The following EPB41 variants were observed in gnomAD, a reference collection of about 807,000 sequenced individuals.
EPB41 encodes erythrocyte membrane protein band 4.1, also known as protein 4.1.
In EPB41, 65 loss-of-function variants were observed where a neutral mutation model predicts 108.0. That is an observed-to-expected ratio of 0.60 (90% CI 0.49 to 0.74). The LOEUF (loss-of-function observed/expected upper bound fraction) is 0.74. Ranked by LOEUF, EPB41 falls within the 30% of genes least tolerant of loss-of-function variation. The probability of loss-of-function intolerance (pLI) is 0.00; values close to 1 mark genes in which losing one functional copy is unlikely to be tolerated. For missense variants in EPB41, 875 were observed against 1,037.0 expected, an observed-to-expected ratio of 0.84 and a Z score of 2.15; for synonymous variants, 336 against 358.9, an observed-to-expected ratio of 0.94 and a Z score of 0.72.
At chr1:28,936,306 G>C (rs2094022423) in intron 1 of EPB41, among the ~76,000 whole-genome samples, 1 of 152,156 alleles carries the variant, frequency 6.6e-6, no homozygotes, top group African/African-American at 2.4e-5. Flanking sequence ...ACTTGACTAA[G>C]TGATGGCAAA....
intron 2 of EPB41, among the ~76,000 whole-genome samples, chr1:28,988,628 G>A (rs914990375): frequency 6.6e-6 from 1 of 152,130 alleles, no homozygotes; most frequent in African/African-American, 2.4e-5. Context: ...CCAAAGTGCT[G>A]GGACTACAGA....
Position 29,115,938 on chromosome 1 carries a change from A to G in EPB41, c.*6+135A>G. The G allele has an allele frequency of 1.4e-6, 1 of 698,404 alleles. No homozygotes were observed. Among genetic ancestry groups the G allele is most frequent in the Non-Finnish European group, 2.6e-6 (1 of 391,862 alleles). 43.3% of individuals were successfully genotyped at this position (698,404 alleles called of 1,614,324 possible). A position where few individuals can be genotyped will look rare whatever the true frequency, so the allele number is the denominator to read the frequency against. ...CCCTGGGACTTGATAAAGGCAGACG[A>G]GAGGCTGATGTGGGAGATATAGGAA... is the stretch of plus-strand genomic sequence containing the variant. On this transcript the variant is annotated intron_variant, in intron 20 of 20. Coordinates refer to ENST00000343067, the MANE Select transcript of EPB41 (RefSeq NM_001376013.1). This position sits in a 1 kb window ranked among gnomAD's most constrained non-coding sequence, Gnocchi z 4.4.
chr1:28,925,248 C>T (rs183981170), intron 1 of EPB41, among the ~76,000 whole-genome samples: 114 of 152,182 alleles, frequency 7.5e-4, no homozygotes, highest in Admixed American at 1.3e-3. Flanking sequence ...CAGGCGTGAG[C>T]CACCGCGCCT....
intron 16 of EPB41, chr1:29,065,530 G>A (rs1268616365): frequency 6.0e-6 from 1 of 165,826 alleles, no homozygotes; most frequent in East Asian, 1.7e-4. Context: ...GTCAAAATAG[G>A]AAAGACATTA....
intron 15 of EPB41, among the ~76,000 whole-genome samples, chr1:29,061,149 C>T (rs1467860817): frequency 6.6e-6 from 1 of 152,108 alleles, no homozygotes; most frequent in Non-Finnish European, 1.5e-5. Context: ...AGGATCTGTC[C>T]AACTCTATTA....
At chr1:29,100,055 G>C (rs1333825919) in intron 17 of EPB41, among the ~76,000 whole-genome samples, 1 of 152,166 alleles carries the variant, frequency 6.6e-6, no homozygotes, top group Non-Finnish European at 1.5e-5. Flanking sequence ...ATGGGAAAGA[G>C]ATAGCCATGT....
At chr1:29,055,465 A>T (rs1645194836) in intron 12 of EPB41, among the ~76,000 whole-genome samples, 1 of 152,132 alleles carries the variant, frequency 6.6e-6, no homozygotes, top group African/African-American at 2.4e-5. Context: ...TGAAGAGATC[A>T]CTACCTGGTA....
intron 14 of EPB41, among the ~76,000 whole-genome samples, chr1:29,059,121 A>G (rs550241364): frequency 6.6e-6 from 1 of 152,202 alleles, no homozygotes; most frequent in East Asian, 1.9e-4. Flanking sequence ...CTAAAAATAC[A>G]AAAATTAGCC....
chr1:29,011,489 TATAA>T (rs1278329559), intron 4 of EPB41, among the ~76,000 whole-genome samples: 3 of 152,204 alleles, frequency 2.0e-5, no homozygotes, highest in Admixed American at 6.5e-5. Flanking sequence ...TATAGAATAA[TATAA>T]ATAACCAATG....
chr1:29,107,780 G>A lies in EPB41; in HGVS notation c.2314-1556G>A, dbSNP rs140516541. ...GCAGGAGAATTGCTTGAACCTGGGA[G>A]GCAGAGGTTGCAGTGAGCCGAGATC... On this transcript the variant is annotated intron_variant, in intron 17 of 20. Coordinates refer to ENST00000343067, the MANE Select transcript of EPB41 (RefSeq NM_001376013.1). Among the ~76,000 whole-genome samples, 644 of 147,688 alleles carry A rather than the reference G, an allele frequency of 4.4e-3. 4 individuals are homozygous for A. The highest frequency in any genetic ancestry group is 0.015 in the African/African-American group (613 of 39,748).
At chr1:29,046,990 G>A (rs978748779) in intron 11 of EPB41, among the ~76,000 whole-genome samples, 7 of 151,940 alleles carry the variant, frequency 4.6e-5, no homozygotes, top group South Asian at 4.2e-4. Flanking sequence ...TTTTAGTTTC[G>A]AGTTTATGCT....
intron 1 of EPB41, among the ~76,000 whole-genome samples, chr1:28,961,398 G>A (rs1199346750): frequency 6.6e-6 from 1 of 152,170 alleles, no homozygotes; most frequent in Non-Finnish European, 1.5e-5. Context: ...TTAATAAGTG[G>A]TTGAGTGATA....
At chr1:29,007,299 T>C (rs969711055) in intron 4 of EPB41, among the ~76,000 whole-genome samples, 2 of 152,218 alleles carry the variant, frequency 1.3e-5, no homozygotes, top group African/African-American at 4.8e-5. Context: ...ACATTTGGCT[T>C]GTTTACAGTT....
At position 28,887,577 on chromosome 1, in the gene EPB41, G is replaced by A; in HGVS notation, c.-8+367G>A. ...CGGCGCAGCCCCCGGCCGCCCCCTA[G>A]CCCCGCCTTGCCCGGCCCCGCATGC... On this transcript the variant is annotated intron_variant, in intron 1 of 16. Coordinates refer to the EPB41 transcript ENST00000347529. The surrounding 1 kb of genome is among the most constrained non-coding windows in gnomAD (Gnocchi z 4.9). 1 of 985,172 alleles carries A rather than the reference G, an allele frequency of 1.0e-6. No homozygotes were observed. The highest frequency in any genetic ancestry group is 1.2e-6 in the Non-Finnish European group (1 of 829,814). 61.0% of individuals were successfully genotyped at this position (985,172 alleles called of 1,614,324 possible).
chr1:28,890,928 G>C, intron 1 of EPB41: 1 of 985,452 alleles, frequency 1.0e-6, no homozygotes, highest in Non-Finnish European at 1.2e-6. Context: ...ACCCCTGCTG[G>C]AGCAAAGCTC....
At chr1:29,101,814 C>T (rs1301241450) in intron 17 of EPB41, among the ~76,000 whole-genome samples, 1 of 152,134 alleles carries the variant, frequency 6.6e-6, no homozygotes, top group Non-Finnish European at 1.5e-5. Context: ...GGCGGAGGCT[C>T]CCTTGAGCCC....
At chr1:29,050,576 A>C (rs1352865921) in intron 11 of EPB41, among the ~76,000 whole-genome samples, 1 of 152,186 alleles carries the variant, frequency 6.6e-6, no homozygotes, top group Admixed American at 6.6e-5. Context: ...TGCTTAAAGC[A>C]CCCATTAGTA....
At chr1:29,009,434 T>C (rs2096463901) in intron 4 of EPB41, among the ~76,000 whole-genome samples, 1 of 152,172 alleles carries the variant, frequency 6.6e-6, no homozygotes, top group Admixed American at 6.5e-5. Flanking sequence ...TTAGTAGAAA[T>C]TCTCGCACAG....
chr1:29,087,450 C>G (rs1216216990), intron 16 of EPB41, among the ~76,000 whole-genome samples: 1 of 152,040 alleles, frequency 6.6e-6, no homozygotes, highest in African/African-American at 2.4e-5. Flanking sequence ...GCAACCTCCA[C>G]GTCCTTGGTT....
Sources: gnomAD v4.1 joint callset for allele counts (sites outside exome capture counted in the v4.1 genomes callset) on GRCh38, gnomAD v4.1.1 for gene constraint, Gnocchi (gnomAD v3.1) non-coding constraint, MANE v1.5 for transcripts, NCBI Gene and HGNC (gene_info 2026-07-23, HGNC 2026-07-21) for gene names.